Variants in NARS2 observed in about 807,000 individuals in gnomAD.
The protein encoded by NARS2 is asparaginyl-tRNA synthetase 2, mitochondrial.
Under a neutral mutation model 62.9 loss-of-function variants are expected in NARS2, and 60 were observed. The ratio of observed to expected loss-of-function variants is 0.95; its 90% confidence interval spans 0.77 to 1.18. The LOEUF (loss-of-function observed/expected upper bound fraction) is 1.18, where lower values mean the gene tolerates loss of function less well. Among genes scored for constraint, NARS2 ranks in the 50% most tolerant of loss-of-function variants. NARS2 has a pLI of 0.00. For missense variants in NARS2, 619 were observed against 576.4 expected (o/e 1.07, Z -0.76); for synonymous variants, 196 against 200.0 (o/e 0.98, Z 0.17).
chr11:78,445,374 A>G (rs1020849019), intron 11 of NARS2, among the ~76,000 whole-genome samples: 6 of 152,174 alleles, frequency 3.9e-5, no homozygotes. Context: ...TAATCCCAAT[A>G]CTTTGGGAGG....
At chr11:78,444,201 T>C (rs1857671695) in intron 11 of NARS2, among the ~76,000 whole-genome samples, 1 of 152,178 alleles carries the variant, frequency 6.6e-6, no homozygotes, top group African/African-American at 2.4e-5. Flanking sequence ...TTTTAATAGC[T>C]TTAATGTTTA....
chr11:78,500,580 C>T (rs1426044865), intron 6 of NARS2, among the ~76,000 whole-genome samples: 2 of 152,062 alleles, frequency 1.3e-5, no homozygotes, highest in Non-Finnish European at 2.9e-5. Context: ...CTCAAGCAAT[C>T]CTCCTGCCCC....
At chr11:78,456,933 T>C (rs1177927010) in intron 11 of NARS2, among the ~76,000 whole-genome samples, 4 of 152,226 alleles carry the variant, frequency 2.6e-5, no homozygotes, top group Non-Finnish European at 1.5e-5. Context: ...ATTTATAAGT[T>C]AGTCTTATCC....
At chr11:78,468,954 A>C (rs1858750459) in intron 10 of NARS2, among the ~76,000 whole-genome samples, 2 of 152,104 alleles carry the variant, frequency 1.3e-5, no homozygotes, top group Non-Finnish European at 2.9e-5. Context: ...GTCTATGATT[A>C]TCTTTCTTTT....
intron 6 of NARS2, among the ~76,000 whole-genome samples, chr11:78,523,530 A>G (rs373914092): frequency 6.6e-6 from 1 of 152,248 alleles, no homozygotes; most frequent in Non-Finnish European, 1.5e-5. Context: ...TCACAGCAAC[A>G]TTACTTACAA....
chr11:78,502,086 A>G (rs536608280), intron 6 of NARS2, among the ~76,000 whole-genome samples: 3 of 152,370 alleles, frequency 2.0e-5, no homozygotes, highest in African/African-American at 7.2e-5. Context: ...CACATACTAT[A>G]TGATTTCCTG....
At chr11:78,561,707 A>G (rs1344314659) in intron 4 of NARS2, among the ~76,000 whole-genome samples, 1 of 152,250 alleles carries the variant, frequency 6.6e-6, no homozygotes, top group Non-Finnish European at 1.5e-5. Flanking sequence ...CGTGAAAGGA[A>G]TTGCTAGCCA....
chr11:78,528,528 C>CG (rs778817814), intron 6 of NARS2, among the ~76,000 whole-genome samples: 1 of 152,046 alleles, frequency 6.6e-6, no homozygotes, highest in African/African-American at 2.4e-5. Context: ...GACTAATACC[C>CG]GGTTCAGGTA....
intron 12 of NARS2, among the ~76,000 whole-genome samples, chr11:78,442,227 A>C (rs996991198): frequency 6.6e-6 from 1 of 152,230 alleles, no homozygotes; most frequent in African/African-American, 2.4e-5. Flanking sequence ...TGTGCTTTTT[A>C]AAAAACATAG....
chr11:78,499,940 G>A (rs1436798601), intron 6 of NARS2, among the ~76,000 whole-genome samples: 6 of 152,120 alleles, frequency 3.9e-5, no homozygotes, highest in South Asian at 2.1e-4. Context: ...TACTCGTGTC[G>A]AAATTATCCC....
intron 6 of NARS2, among the ~76,000 whole-genome samples, chr11:78,508,299 GAA>G: frequency 6.6e-6 from 1 of 152,226 alleles, no homozygotes; most frequent in African/African-American, 2.4e-5. Context: ...GGAGAAGAGA[GAA>G]AAAGGCAAAG....
At chr11:78,567,047 TATC>T (rs1856767654) in intron 3 of NARS2, among the ~76,000 whole-genome samples, 1 of 152,210 alleles carries the variant, frequency 6.6e-6, no homozygotes, top group Non-Finnish European at 1.5e-5. Context: ...AATGTGACCA[TATC>T]ATAATTCTAG....
chr11:78,525,389 T>C (rs1236183957), intron 6 of NARS2, among the ~76,000 whole-genome samples: 3 of 152,088 alleles, frequency 2.0e-5, no homozygotes, highest in Non-Finnish European at 2.9e-5. Flanking sequence ...CTGAGGCATC[T>C]TGCAGTAGCA....
At chr11:78,461,772 C>T (rs1228487417) in intron 11 of NARS2, among the ~76,000 whole-genome samples, 4 of 141,044 alleles carry the variant, frequency 2.8e-5, no homozygotes, top group Non-Finnish European at 6.0e-5. Flanking sequence ...TGTGAAATCC[C>T]GTACCCACTA....
intron 6 of NARS2, among the ~76,000 whole-genome samples, chr11:78,513,945 C>T (rs983387108): frequency 6.6e-6 from 1 of 151,976 alleles, no homozygotes; most frequent in Admixed American, 6.6e-5. Flanking sequence ...ATGTGACACA[C>T]CCCCCTACAC....
At chr11:78,470,919 A>C in intron 9 of NARS2, among the ~76,000 whole-genome samples, 1 of 149,762 alleles carries the variant, frequency 6.7e-6, no homozygotes. Context: ...AAATCTACAA[A>C]CTTCCTGAAA....
At chr11:78,560,079 C>T (rs531732073) in intron 4 of NARS2, among the ~76,000 whole-genome samples, 11 of 151,884 alleles carry the variant, frequency 7.2e-5, no homozygotes, top group South Asian at 2.1e-4. Context: ...GAATACAAAG[C>T]GATCAGTATA....
rs757129945 is a variant in NARS2, at chr11:78,574,464, GCAGCAGGCAGCGGACCCC to G, written c.7_24del (p.Gly3_Leu8del). 2.5e-6 allele frequency: 4 copies of G among 1,613,090 alleles called. No homozygotes were observed. The Admixed American group carries it at 6.7e-5, about 27-fold the overall frequency. ...GCGGAGGAACAGAAGCGCACGGACC[GCAGCAGGCAGCGGACCCC>G]CAGCATCCCGCGTCCGCCCAGGCCC... On this transcript the variant is annotated inframe_deletion, in exon 1 of 14. Transcript: ENST00000281038.
rs2135547038 is a variant in NARS2, at chr11:78,571,345, G to C, written c.241C>G (p.Leu81Val). The C allele has an allele frequency of 1.9e-6, 3 of 1,610,272 alleles. No individual in the cohort carries two copies. Among genetic ancestry groups the C allele is most frequent in the Non-Finnish European group, 2.5e-6 (3 of 1,176,778 alleles). ...ESLQVVADSG[L>V]DSRELNFGSS... is the part of the protein sequence containing the mutation. ...AAAAACAAAACTCACCTACTGTCAA[G>C]GCCTGAATCTGCAACAACCTGAAGG... Residue 81 changes from leucine to valine, a missense_variant, in exon 2 of 14, where the codon CTT becomes GTT. Transcript: ENST00000281038.
Sources: allele counts gnomAD v4.1 joint callset (sites outside exome capture counted in the v4.1 genomes callset), GRCh38; gene constraint gnomAD v4.1.1; transcripts MANE v1.5; gene names NCBI Gene and HGNC (gene_info 2026-07-23, HGNC 2026-07-21).